Variants in CNTNAP2 observed in about 807,000 individuals in gnomAD.
CNTNAP2 encodes contactin associated protein 2.
Under a neutral mutation model 155.2 loss-of-function variants are expected in CNTNAP2, and 98 were observed. That is an observed-to-expected ratio of 0.63 (90% confidence interval 0.54 to 0.75). The LOEUF is 0.75. Among genes scored for constraint, CNTNAP2 ranks in the 30% least tolerant of loss-of-function variants. The pLI is 0.00. For missense variants in CNTNAP2, 1,727 were observed against 1,688.1 expected (o/e 1.02, Z -0.40); for synonymous variants, 651 against 631.2 (o/e 1.03, Z -0.47).
intron 10 of CNTNAP2, among the ~76,000 whole-genome samples, chr7:147,454,192 A>G (rs1278173961): frequency 1.3e-5 from 2 of 152,190 alleles, no homozygotes; most frequent in Admixed American, 6.6e-5. Context: ...TTTAGTTTAC[A>G]CTTGTTAAAA....
At chr7:146,624,774 T>A (rs1799392014) in intron 1 of CNTNAP2, among the ~76,000 whole-genome samples, 1 of 151,914 alleles carries the variant, frequency 6.6e-6, no homozygotes, top group East Asian at 1.9e-4. Flanking sequence ...TTGCTGAGAG[T>A]TTGATTGGGA....
intron 1 of CNTNAP2, among the ~76,000 whole-genome samples, chr7:146,728,143 A>C (rs915634756): frequency 6.6e-6 from 1 of 152,160 alleles, no homozygotes; most frequent in African/African-American, 2.4e-5. Flanking sequence ...GACAATACCT[A>C]GACTGAGTTG....
intron 12 of CNTNAP2, among the ~76,000 whole-genome samples, chr7:147,637,256 G>A (rs1224637515): frequency 6.6e-6 from 1 of 150,878 alleles, no homozygotes; most frequent in Non-Finnish European, 1.5e-5. Flanking sequence ...GTGGAAAGCA[G>A]CAGACTGGTT....
At chr7:147,584,361 C>T (rs1800576816) in intron 12 of CNTNAP2, among the ~76,000 whole-genome samples, 1 of 152,102 alleles carries the variant, frequency 6.6e-6, no homozygotes, top group Middle Eastern at 3.2e-3. Context: ...TTTAGAAATA[C>T]TAGGAGCAGA....
chr7:146,608,664 T>G (rs1055754773), intron 1 of CNTNAP2, among the ~76,000 whole-genome samples: 1 of 152,190 alleles, frequency 6.6e-6, no homozygotes, highest in African/African-American at 2.4e-5. Flanking sequence ...TACTAAAATT[T>G]CCACTACTTA....
intron 1 of CNTNAP2, among the ~76,000 whole-genome samples, chr7:146,330,660 G>C (rs969606440): frequency 1.3e-5 from 2 of 152,120 alleles, no homozygotes; most frequent in African/African-American, 4.8e-5. Context: ...ACTTTTCATC[G>C]AAAGAGAACA....
chr7:147,125,815 GA>G (rs371767673), intron 6 of CNTNAP2, among the ~76,000 whole-genome samples: 1 of 152,180 alleles, frequency 6.6e-6, no homozygotes, highest in Non-Finnish European at 1.5e-5. Context: ...GGAAGTAATA[GA>G]AAAAAATGTG....
intron 1 of CNTNAP2, among the ~76,000 whole-genome samples, chr7:146,337,666 CATT>C (rs1345688961): frequency 1.3e-5 from 2 of 151,982 alleles, no homozygotes; most frequent in African/African-American, 4.8e-5. Context: ...GATGAGGTCT[CATT>C]ATGTTGCCCA....
intron 8 of CNTNAP2, among the ~76,000 whole-genome samples, chr7:147,172,363 G>T (rs533224851): frequency 2.2e-4 from 34 of 152,028 alleles, no homozygotes; most frequent in African/African-American, 8.2e-4. Flanking sequence ...ATATTGAATT[G>T]GTTGACTGAA....
intron 1 of CNTNAP2, among the ~76,000 whole-genome samples, chr7:146,311,031 A>G (rs1292999981): frequency 6.6e-6 from 1 of 152,184 alleles, no homozygotes; most frequent in African/African-American, 2.4e-5. Flanking sequence ...CAGTACAATG[A>G]AACAGGAAGA....
At chr7:148,362,209 AC>A (rs1195782535) in intron 21 of CNTNAP2, among the ~76,000 whole-genome samples, 1 of 121,028 alleles carries the variant, frequency 8.3e-6, no homozygotes, top group Non-Finnish European at 1.8e-5. Context: ...AAAAAAAAAA[AC>A]AAAAAACAAA....
At chr7:147,181,022 A>G (rs1363532679) in intron 8 of CNTNAP2, among the ~76,000 whole-genome samples, 1 of 152,188 alleles carries the variant, frequency 6.6e-6, no homozygotes, top group Non-Finnish European at 1.5e-5. Context: ...GTCAGTAACT[A>G]TTTTCAAAAT....
intron 13 of CNTNAP2, among the ~76,000 whole-genome samples, chr7:147,789,249 G>A (rs1797784809): frequency 6.6e-6 from 1 of 152,128 alleles, no homozygotes; most frequent in African/African-American, 2.4e-5. Flanking sequence ...TCCTATCGTT[G>A]CCAACTTTAA....
At chr7:148,365,194 C>T (rs183358508) in intron 21 of CNTNAP2, among the ~76,000 whole-genome samples, 4 of 152,282 alleles carry the variant, frequency 2.6e-5, no homozygotes, top group African/African-American at 7.2e-5. Flanking sequence ...AGCATCTCCC[C>T]GTCTCACTCT....
chr7:148,075,003 C>T (rs1485133523), intron 15 of CNTNAP2, among the ~76,000 whole-genome samples: 2 of 152,160 alleles, frequency 1.3e-5, no homozygotes, highest in African/African-American at 2.4e-5. Flanking sequence ...CTAAATTGCA[C>T]GGAAAGTTCT....
intron 1 of CNTNAP2, among the ~76,000 whole-genome samples, chr7:146,525,756 G>A (rs570793538): frequency 1.3e-5 from 2 of 152,268 alleles, no homozygotes; most frequent in South Asian, 2.1e-4. Context: ...TTGCGAATGA[G>A]CTGAGTTGGC....
intron 1 of CNTNAP2, among the ~76,000 whole-genome samples, chr7:146,464,187 G>GTTTTTTTTTTTTTTTTTTTTTT (rs369508603): frequency 3.3e-5 from 3 of 91,542 alleles, no homozygotes; most frequent in African/African-American, 1.1e-4. Context: ...CTTTGAAACT[G>GTTTTTTTTTTTTTTTTTTTTTT]TTTTTTTTTT....
chr7:146,349,747 T>C (rs980115924), intron 1 of CNTNAP2, among the ~76,000 whole-genome samples: 12 of 152,168 alleles, frequency 7.9e-5, no homozygotes, highest in Non-Finnish European at 1.5e-4. Flanking sequence ...TGGCTGGATA[T>C]GAAATTCTGG....
intron 13 of CNTNAP2, among the ~76,000 whole-genome samples, chr7:147,898,232 C>A (rs1450250983): frequency 6.6e-6 from 1 of 152,198 alleles, no homozygotes; most frequent in Admixed American, 6.5e-5. Flanking sequence ...TTACATTCAT[C>A]CTGGACTCCA....
Sources: allele counts gnomAD v4.1 joint callset (sites outside exome capture counted in the v4.1 genomes callset), GRCh38; gene constraint gnomAD v4.1.1; transcripts MANE v1.5; gene names NCBI Gene and HGNC (gene_info 2026-07-23, HGNC 2026-07-21).